The following EVL variants were observed in gnomAD, a reference collection of about 807,000 sequenced individuals.
EVL encodes the protein Enah/Vasp-like.
In EVL, 21 loss-of-function variants were observed where a neutral mutation model predicts 59.6. That is an observed-to-expected ratio of 0.35 (90% confidence interval 0.25 to 0.51). EVL has a LOEUF of 0.51. EVL is among the 20% of genes least tolerant of loss of function. EVL has a pLI of 0.97. For synonymous variants in EVL, 198 were observed against 203.5 expected (o/e 0.97, Z 0.23); for missense variants, 462 against 546.6 (o/e 0.85, Z 1.54).
At chr14:100,037,250 G>C (rs2061402277) in intron 1 of EVL, among the ~76,000 whole-genome samples, 1 of 152,188 alleles carries the variant, frequency 6.6e-6, no homozygotes, top group Non-Finnish European at 1.5e-5. Flanking sequence ...GGAATAAAAG[G>C]CTCTGGAGAG....
At chr14:99,973,931 A>G (rs963179909) in intron 1 of EVL, among the ~76,000 whole-genome samples, 1 of 152,176 alleles carries the variant, frequency 6.6e-6, no homozygotes, top group Non-Finnish European at 1.5e-5. Flanking sequence ...TCTTTTCCCC[A>G]TAACTCTGTT....
At chr14:100,071,418 A>G (rs1281469238) in intron 1 of EVL, among the ~76,000 whole-genome samples, 1 of 152,182 alleles carries the variant, frequency 6.6e-6, no homozygotes, top group Non-Finnish European at 1.5e-5. Context: ...ATCATTTGCC[A>G]TTTCAGCTCT....
intron 8 of EVL, among the ~76,000 whole-genome samples, chr14:100,133,012 AGCTGCAGCCTGAGGCGCTGGCC>A (rs1406911279): frequency 3.0e-4 from 45 of 152,042 alleles, no homozygotes; most frequent in Admixed American, 7.2e-4. Context: ...CCACCCTTGG[AGCTGCAGCCTGAGGCGCTGGCC>A]GCTGCACCGC....
rs747793800 is a variant in EVL at position 100,137,561 on chromosome 14, A to G, written c.965-17A>G. 1.4e-5 allele frequency: 23 copies of G among 1,613,432 alleles called. No individual in the cohort carries two copies. Among genetic ancestry groups the G allele is most frequent in the Middle Eastern group, 1.6e-4 (1 of 6,080 alleles). ...CCTTCACCTGTGAGGTTCTTCATCC[A>G]TGAAATGAACTGACAGAGGCTGGCC... is the stretch of plus-strand genomic sequence containing the variant. On this transcript the variant is annotated splice_polypyrimidine_tract_variant and intron_variant, in intron 9 of 13. Coordinates refer to ENST00000392920, the MANE Select transcript of EVL (RefSeq NM_016337.3).
chr14:100,108,859 C>T lies in EVL; in HGVS notation c.358+11201C>T, dbSNP rs1254457039. ...CACTTGGCCTGTCCTGCTATTCCCA[C>T]TGCATGAATCTAGTCAGGTTGGAAA... On this transcript the variant is annotated intron_variant, in intron 3 of 13. Transcript: ENST00000392920. The surrounding 1 kb of genome is among the most constrained non-coding windows in gnomAD (Gnocchi z 4.1). Among the ~76,000 whole-genome samples, 1 of 152,242 alleles carries T rather than the reference C, an allele frequency of 6.6e-6. No homozygotes were observed. The highest frequency in any genetic ancestry group is 1.5e-5 in the Non-Finnish European group (1 of 68,040).
rs182519070 is a variant in EVL at position 99,999,061 on chromosome 14, A to T, written c.5+27004A>T. Reference sequence around the variant, plus strand: ...ATAAATTATAGTAATTTATAAATTTATAATAATTTTCTATAATGTTTTTAT... The same window carrying T: ...ATAAATTATAGTAATTTATAAATTTTTAATAATTTTCTATAATGTTTTTAT... On this transcript the variant is annotated intron_variant, in intron 1 of 13. Coordinates refer to the EVL transcript ENST00000402714. Among the ~76,000 whole-genome samples the T allele has an allele frequency of 1.4e-3, 209 of 150,430 alleles. 4 individuals carry two copies. Among genetic ancestry groups the T allele is most frequent in the African/African-American group, 4.8e-3 (196 of 40,740 alleles).
chr14:100,058,336 T>C (rs575404705), intron 1 of EVL, among the ~76,000 whole-genome samples: 4 of 152,356 alleles, frequency 2.6e-5, no homozygotes, highest in African/African-American at 9.6e-5. Flanking sequence ...GGATTTAATA[T>C]CAGTATCCTG....
chr14:100,012,062 A>C (rs2061019965), intron 1 of EVL, among the ~76,000 whole-genome samples: 1 of 152,220 alleles, frequency 6.6e-6, no homozygotes, highest in African/African-American at 2.4e-5. Context: ...CTGGGACCAC[A>C]GCCCAGCTAT....
At chr14:100,141,269 C>T in intron 12 of EVL, 23 bp downstream of exon 12, 2 of 1,612,640 alleles carry the variant, frequency 1.2e-6, no homozygotes, top group Non-Finnish European at 1.7e-6. Flanking sequence ...TGTGCCCTTC[C>T]CTCAAGAGGC....
chr14:100,110,574 A>G (rs1886904060), intron 3 of EVL, among the ~76,000 whole-genome samples: 1 of 151,952 alleles, frequency 6.6e-6, no homozygotes, highest in African/African-American at 2.4e-5. Context: ...CGGCGGCACC[A>G]GCAGATCTTG....
chr14:100,132,843 T>C, intron 8 of EVL, 64 bp downstream of exon 8: 1 of 1,579,858 alleles, frequency 6.3e-7, no homozygotes, highest in Non-Finnish European at 8.7e-7. Flanking sequence ...CCAGGGAGGC[T>C]CTCTGGTCTC....
chr14:100,015,443 A>G (rs1005527174), intron 1 of EVL, among the ~76,000 whole-genome samples: 1 of 152,200 alleles, frequency 6.6e-6, no homozygotes, highest in East Asian at 1.9e-4. Context: ...GGCAGCTCAC[A>G]TGTCCAGTAA....
intron 3 of EVL, among the ~76,000 whole-genome samples, chr14:100,098,117 A>G (rs1380238865): frequency 6.6e-6 from 1 of 152,230 alleles, no homozygotes; most frequent in Admixed American, 6.5e-5. Context: ...CCCTCAAGGC[A>G]TTTAGTTTTT....
intron 1 of EVL, among the ~76,000 whole-genome samples, chr14:100,057,180 G>A (rs1055453005): frequency 3.3e-5 from 5 of 152,208 alleles, no homozygotes; most frequent in African/African-American, 9.6e-5. Context: ...GCATGTGCTA[G>A]AAACTAGATT....
intron 1 of EVL, among the ~76,000 whole-genome samples, chr14:100,025,998 C>T (rs1019573253): frequency 1.3e-5 from 2 of 152,064 alleles, no homozygotes; most frequent in Admixed American, 6.6e-5. Context: ...CGCTTGTAAT[C>T]CTAGCATTTT....
intron 1 of EVL, among the ~76,000 whole-genome samples, chr14:100,083,446 TA>T (rs34098353): frequency 0.032 from 4,706 of 145,018 alleles, 112 homozygotes; most frequent in Non-Finnish European, 0.049. Context: ...ATTCCCTCTT[TA>T]AAAAAAAAAA....
At chr14:100,060,266 TA>T (rs550980295) in intron 1 of EVL, among the ~76,000 whole-genome samples, 1 of 151,458 alleles carries the variant, frequency 6.6e-6, no homozygotes, top group Non-Finnish European at 1.5e-5. Context: ...CCGTCTCTAC[TA>T]AAAAATACAA....
intron 3 of EVL, among the ~76,000 whole-genome samples, chr14:100,113,073 G>A (rs1887105468): frequency 6.6e-6 from 1 of 152,248 alleles, no homozygotes; most frequent in Admixed American, 6.5e-5. Context: ...GAGAGCTACT[G>A]GGAGAGCCCT....
intron 8 of EVL, chr14:100,134,712 A>G (rs1221246586): frequency 2.6e-5 from 4 of 152,248 alleles, no homozygotes; most frequent in Non-Finnish European, 5.9e-5. Context: ...GAAAGACGAA[A>G]AGAGCCCCAA....
Sources: gnomAD v4.1 joint callset for allele counts (sites outside exome capture counted in the v4.1 genomes callset) on GRCh38, gnomAD v4.1.1 for gene constraint, Gnocchi (gnomAD v3.1) non-coding constraint, MANE v1.5 for transcripts, NCBI Gene and HGNC (gene_info 2026-07-23, HGNC 2026-07-21) for gene names.